The following CCDC158 variants were observed in gnomAD, a reference collection of about 807,000 sequenced individuals.
CCDC158 encodes coiled-coil domain-containing protein 158.
A neutral mutation model predicts 138.6 loss-of-function variants in CCDC158; 116 were observed. The ratio of observed to expected loss-of-function variants is 0.84; its 90% CI spans 0.72 to 0.98. CCDC158 has a LOEUF of 0.98. CCDC158 is among the 50% of genes least tolerant of loss of function. The probability of loss-of-function intolerance (pLI) is 0.00; values close to 1 mark genes in which losing one functional copy is unlikely to be tolerated. For synonymous variants in CCDC158, 436 were observed against 442.4 expected (o/e 0.99, Z 0.18); for missense variants, 1,265 against 1,306.1 (o/e 0.97, Z 0.48).
At chr4:76,323,491 A>G in intron 23 of CCDC158, 82 bp from the exon 24 acceptor site, 1 of 1,094,114 alleles carries the variant, frequency 9.1e-7, no homozygotes. Context: ...AGGCTAAACA[A>G]TTTTTCTTTA....
intron 3 of CCDC158, 64 bp downstream of exon 3, chr4:76,403,074 A>T: frequency 9.1e-7 from 1 of 1,104,268 alleles, no homozygotes; most frequent in African/African-American, 1.6e-5. Flanking sequence ...TAGAAACAGC[A>T]GCTTGAATGA....
intron 24 of CCDC158, among the ~76,000 whole-genome samples, chr4:76,322,636 A>G (rs1720133127): frequency 6.6e-6 from 1 of 152,202 alleles, no homozygotes; most frequent in African/African-American, 2.4e-5. Flanking sequence ...AAGATGGCAT[A>G]AAAAATGTAC....
At chr4:76,351,385 G>A (rs767519904) in intron 17 of CCDC158, among the ~76,000 whole-genome samples, 1 of 152,020 alleles carries the variant, frequency 6.6e-6, no homozygotes, top group Non-Finnish European at 1.5e-5. Flanking sequence ...TTAGGGTTTT[G>A]TACTCGCTTG....
Position 76,379,270 on chromosome 4 carries a change from C to G in CCDC158, c.1029+20G>C. 1.4e-6 allele frequency: 2 copies of G among 1,463,320 alleles called. No homozygotes were observed. Among genetic ancestry groups the G allele is most frequent in the South Asian group, 2.5e-5 (2 of 79,874 alleles). 90.6% of individuals were successfully genotyped at this position (1,463,320 alleles called of 1,614,324 possible). On this transcript the variant is annotated intron_variant, in intron 9 of 24. Transcript: ENST00000682701. The stretch of plus-strand genomic sequence containing the variant: ...GGATATTAAAGTCTCTAGAAACAGA[C>G]CAGCAAAACCTAAACTCACCTTGTC...
intron 18 of CCDC158, among the ~76,000 whole-genome samples, chr4:76,336,530 T>C (rs375926609): frequency 6.6e-6 from 1 of 152,336 alleles, no homozygotes; most frequent in African/African-American, 2.4e-5. Flanking sequence ...AATATGCTTA[T>C]CTGGCCTTTG....
At chr4:76,418,006 TGAG>T (rs1216367029) in intron 1 of CCDC158, among the ~76,000 whole-genome samples, 4 of 152,168 alleles carry the variant, frequency 2.6e-5, no homozygotes, top group Non-Finnish European at 5.9e-5. Context: ...TACACTATCC[TGAG>T]AAGATGTCAG....
rs778452207 is a variant in CCDC158 at position 76,353,148 on chromosome 4, G to A, written c.2420C>T (p.Thr807Ile). 1.2e-6 allele frequency: 2 copies of A among 1,613,052 alleles called. No homozygotes were observed. Among genetic ancestry groups the A allele is most frequent in the Non-Finnish European group, 1.7e-6 (2 of 1,179,642 alleles). Residue 807 changes from threonine (T) to isoleucine (I), a missense_variant, in exon 16 of 25, where the codon ACT becomes ATT. Thr to Ile is a moderately conservative substitution (Grantham distance 89). Transcript: ENST00000682701. ...CTTATCCAGAGCCACTTCCATATTAGTAACCTTTTCTTTCAAACGGCGTTC... is the reference window on the plus strand; with the variant it reads ...CTTATCCAGAGCCACTTCCATATTAATAACCTTTTCTTTCAAACGGCGTTC... ...SQERRLKEKV[T>I]NMEVALDKAS... is the part of the protein sequence containing the mutation.
chr4:76,403,197 T>C lies in CCDC158; in HGVS notation c.11A>G (p.Lys4Arg), dbSNP rs766799118. MES[K>R]AWESNNEDLL... ...ATCTTCATTATTTGATTCCCAAGCT[T>C]TTGATTCCATATTAAATATTGCTAC... is the stretch of plus-strand genomic sequence containing the variant. Residue 4 changes from lysine to arginine, a missense_variant, in exon 3 of 25, where the codon AAA becomes AGA. By Grantham distance (26) the Lys-to-Arg change is conservative. Transcript: ENST00000682701. The C allele has an allele frequency of 6.2e-7, 1 of 1,600,854 alleles. No homozygotes were observed. The highest frequency in any genetic ancestry group is 1.3e-5 in the African/African-American group (1 of 74,528).
At chr4:76,319,975 C>T (rs971125117) in intron 24 of CCDC158, among the ~76,000 whole-genome samples, 25 of 152,220 alleles carry the variant, frequency 1.6e-4, no homozygotes, top group African/African-American at 6.0e-4. Flanking sequence ...TAAAGGGCAT[C>T]CAAATGGGTG....
chr4:76,394,530 A>C (rs573469055), intron 4 of CCDC158, among the ~76,000 whole-genome samples: 3 of 146,498 alleles, frequency 2.0e-5, no homozygotes, highest in African/African-American at 8.3e-5. Context: ...TAATGGGTAC[A>C]AAAAAAATAC....
intron 18 of CCDC158, among the ~76,000 whole-genome samples, chr4:76,346,933 A>G (rs1212429443): frequency 6.6e-6 from 1 of 152,200 alleles, no homozygotes; most frequent in Non-Finnish European, 1.5e-5. Flanking sequence ...AAAAAAGCTC[A>G]TCATCACTGG....
intron 2 of CCDC158, among the ~76,000 whole-genome samples, chr4:76,411,146 A>G (rs1729263533): frequency 1.3e-5 from 2 of 152,250 alleles, no homozygotes; most frequent in South Asian, 4.1e-4. Context: ...TCACGCCTGT[A>G]ATCTCAACAC....
chr4:76,315,410 T>C (rs1273660945), intron 24 of CCDC158, among the ~76,000 whole-genome samples: 2 of 152,268 alleles, frequency 1.3e-5, no homozygotes, highest in East Asian at 3.9e-4. Flanking sequence ...CAAATACTTA[T>C]CCTGGCCAAC....
At chr4:76,326,409 G>A (rs905925199) in intron 22 of CCDC158, among the ~76,000 whole-genome samples, 12 of 151,978 alleles carry the variant, frequency 7.9e-5, no homozygotes, top group African/African-American at 2.9e-4. Context: ...GGCATATAAG[G>A]AGACAAGATG....
At chr4:76,326,114 A>G (rs561709358) in intron 22 of CCDC158, 99 bp from the exon 23 acceptor site, 31 of 949,576 alleles carry the variant, frequency 3.3e-5, no homozygotes, top group African/African-American at 2.3e-4. Context: ...AATGTTCCCA[A>G]TGGTGGAGGG....
intron 18 of CCDC158, chr4:76,345,327 G>A: frequency 9.0e-7 from 1 of 1,113,044 alleles, no homozygotes; most frequent in Non-Finnish European, 1.4e-6. Context: ...AGCCCTCATT[G>A]ATTATGAGAA....
chr4:76,355,797 A>ATGTGTGTG (rs1309308231), intron 14 of CCDC158, among the ~76,000 whole-genome samples: 1 of 35,854 alleles, frequency 2.8e-5, no homozygotes, highest in Non-Finnish European at 6.8e-5. Flanking sequence ...TAATATATGT[A>ATGTGTGTG]CGTGTGTGTG....
chr4:76,333,219 T>C (rs1578886151), intron 19 of CCDC158, among the ~76,000 whole-genome samples: 1 of 152,156 alleles, frequency 6.6e-6, no homozygotes, highest in African/African-American at 2.4e-5. Flanking sequence ...AAATACGAAT[T>C]GGACATCATA....
At chr4:76,404,385 A>G (rs1004708202) in intron 2 of CCDC158, among the ~76,000 whole-genome samples, 1 of 152,194 alleles carries the variant, frequency 6.6e-6, no homozygotes, top group African/African-American at 2.4e-5. Context: ...CCCACAAACA[A>G]CAAACATGAA....
Sources: gnomAD v4.1 joint callset for allele counts (sites outside exome capture counted in the v4.1 genomes callset) on GRCh38, gnomAD v4.1.1 for gene constraint, MANE v1.5 for transcripts, NCBI Gene and HGNC (gene_info 2026-07-23, HGNC 2026-07-21) for gene names.